The following MSH3 variants were observed in gnomAD, a reference collection of about 807,000 sequenced individuals.
MSH3 encodes the protein mutS homolog 3, also known as DNA mismatch repair protein Msh3.
Under a neutral mutation model 123.3 loss-of-function variants are expected in MSH3, and 106 were observed. That is an observed-to-expected ratio of 0.86 (90% CI 0.73 to 1.01). The LOEUF (loss-of-function observed/expected upper bound fraction) is 1.01. Ranked by LOEUF, MSH3 falls within the 50% of genes least tolerant of loss-of-function variation. MSH3 has a pLI of 0.00. For synonymous variants in MSH3, 515 were observed against 481.4 expected (o/e 1.07, Z -0.91); for missense variants, 1,459 against 1,347.6 (o/e 1.08, Z -1.29).
intron 19 of MSH3, among the ~76,000 whole-genome samples, chr5:80,799,334 CAA>C (rs1232882859): frequency 6.6e-6 from 1 of 152,038 alleles, no homozygotes. Flanking sequence ...GGCTTTGACT[CAA>C]GAGTCTCTTA....
chr5:80,684,275 G>T (rs556633297), intron 8 of MSH3, among the ~76,000 whole-genome samples: 1 of 152,098 alleles, frequency 6.6e-6, no homozygotes, highest in Non-Finnish European at 1.5e-5. Flanking sequence ...GCTTTGGGTA[G>T]TATGGATGTT....
At chr5:80,681,675 AT>A (rs1749971640) in intron 8 of MSH3, among the ~76,000 whole-genome samples, 1 of 143,100 alleles carries the variant, frequency 7.0e-6, no homozygotes, top group African/African-American at 2.5e-5. Flanking sequence ...ATTAATTTAG[AT>A]TGAGTAAAGT....
intron 20 of MSH3, among the ~76,000 whole-genome samples, chr5:80,827,096 C>G (rs780633319): frequency 1.3e-5 from 2 of 152,114 alleles, no homozygotes; most frequent in Non-Finnish European, 2.9e-5. Context: ...AAACTTAAAT[C>G]TCATCTAGCC....
chr5:80,808,858 C>CATAT lies in MSH3; in HGVS notation c.2656-4704_2656-4701dup, dbSNP rs747818551. On this transcript the variant is annotated intron_variant, in intron 19 of 23. Transcript: ENST00000265081. The stretch of plus-strand genomic sequence containing the variant: ...CTTACTTTGGGTAATATATCTTCTT[C>CATAT]ATATATATATATATATATATATATA... Among the ~76,000 whole-genome samples the CATAT allele has an allele frequency of 5.1e-3, 334 of 66,130 alleles. 7 individuals carry two copies. Among genetic ancestry groups the CATAT allele is most frequent in the African/African-American group, 0.012 (224 of 18,860 alleles). 43.4% of individuals were successfully genotyped at this position (66,130 alleles called of 152,430 possible). A position where few individuals can be genotyped will look rare whatever the true frequency, so the allele number is the denominator to read the frequency against.
chr5:80,869,504 A>G (rs1244685503), intron 22 of MSH3, among the ~76,000 whole-genome samples: 1 of 151,982 alleles, frequency 6.6e-6, no homozygotes, highest in Non-Finnish European at 1.5e-5. Context: ...CCTCTCGCAC[A>G]CAGAGGTTAA....
intron 19 of MSH3, among the ~76,000 whole-genome samples, chr5:80,799,722 G>A (rs1423525060): frequency 6.6e-6 from 1 of 151,922 alleles, no homozygotes; most frequent in Non-Finnish European, 1.5e-5. Flanking sequence ...CTGTCATTGA[G>A]CAAGCGTCCC....
chr5:80,750,706 G>C (rs1028536060), intron 12 of MSH3, among the ~76,000 whole-genome samples: 10 of 152,072 alleles, frequency 6.6e-5, no homozygotes, highest in Non-Finnish European at 1.0e-4. Context: ...TGTTTCCTTT[G>C]CTGTGCAGAT....
At position 80,768,020 on chromosome 5, in the gene MSH3, C is replaced by T; in HGVS notation, c.1984C>T (p.His662Tyr). 1 of 1,613,604 alleles carries T rather than the reference C, an allele frequency of 6.2e-7. No homozygotes were observed. Among genetic ancestry groups the T allele is most frequent in the Non-Finnish European group, 8.5e-7 (1 of 1,179,644 alleles). ...FQAIIPAVNS[H>Y]IQSDLLRTVI... is the part of the protein sequence containing the mutation. ...AGCAATAATACCTGCTGTTAATTCC[C>T]ACATTCAGTCAGACTTGCTCCGGAC... The change falls in exon 14 of 24, where the codon CAC (histidine) becomes TAC (tyrosine). Residue 662 changes from histidine (H) to tyrosine (Y), a missense_variant. Coordinates refer to ENST00000265081, the MANE Select transcript of MSH3 (RefSeq NM_002439.5).
At chr5:80,869,817 TATATATAC>T (rs200167024) in intron 22 of MSH3, among the ~76,000 whole-genome samples, 62 of 73,886 alleles carry the variant, frequency 8.4e-4, no homozygotes, top group Non-Finnish European at 1.8e-4. Context: ...TATATACATA[TATATATAC>T]ATATATACAT....
At chr5:80,724,578 A>G (rs941679851) in intron 8 of MSH3, among the ~76,000 whole-genome samples, 1 of 152,222 alleles carries the variant, frequency 6.6e-6, no homozygotes, top group Admixed American at 6.5e-5. Context: ...CATGCATGCT[A>G]TGATTTTGTT....
intron 18 of MSH3, among the ~76,000 whole-genome samples, chr5:80,788,139 A>G (rs150597524): frequency 5.4e-4 from 83 of 152,330 alleles, no homozygotes; most frequent in African/African-American, 1.9e-3. Context: ...AACAAATCTA[A>G]CTTTAAAATT....
chr5:80,706,833 A>AC (rs1373510959), intron 8 of MSH3, among the ~76,000 whole-genome samples: 1 of 152,238 alleles, frequency 6.6e-6, no homozygotes, highest in African/African-American at 2.4e-5. Context: ...TAAATTACAT[A>AC]CGGCAAATAT....
intron 8 of MSH3, among the ~76,000 whole-genome samples, chr5:80,723,113 A>ATAAAT (rs1216530813): frequency 6.6e-6 from 1 of 151,208 alleles, no homozygotes; most frequent in Non-Finnish European, 1.5e-5. Context: ...AAATAAATAA[A>ATAAAT]TAAATAAATA....
intron 20 of MSH3, among the ~76,000 whole-genome samples, chr5:80,851,112 T>C (rs1745823468): frequency 6.6e-6 from 1 of 152,174 alleles, no homozygotes; most frequent in African/African-American, 2.4e-5. Flanking sequence ...ACTCTTTCTC[T>C]TATTATTGGA....
intron 20 of MSH3, among the ~76,000 whole-genome samples, chr5:80,828,278 A>G (rs960354141): frequency 1.6e-4 from 25 of 152,200 alleles, no homozygotes; most frequent in Non-Finnish European, 4.4e-5. Context: ...GACCCACTCT[A>G]GTGAAAGTAA....
At chr5:80,815,342 A>G (rs763253747) in intron 20 of MSH3, among the ~76,000 whole-genome samples, 24 of 152,078 alleles carry the variant, frequency 1.6e-4, no homozygotes, top group South Asian at 2.1e-4. Flanking sequence ...TGGTTACAGT[A>G]TTAAGGAAAG....
intron 20 of MSH3, among the ~76,000 whole-genome samples, chr5:80,844,855 A>G (rs566602269): frequency 5.9e-5 from 9 of 152,086 alleles, no homozygotes; most frequent in South Asian, 2.1e-4. Context: ...TCTTTCTCCA[A>G]TTTGCCAGTC....
At chr5:80,691,864 C>T (rs1320966424) in intron 8 of MSH3, among the ~76,000 whole-genome samples, 2 of 142,384 alleles carry the variant, frequency 1.4e-5, no homozygotes, top group African/African-American at 5.2e-5. Flanking sequence ...TATAGCTAAA[C>T]ATGTATGTTT....
At chr5:80,823,805 A>G (rs1206679578) in intron 20 of MSH3, among the ~76,000 whole-genome samples, 1 of 152,154 alleles carries the variant, frequency 6.6e-6, no homozygotes, top group Non-Finnish European at 1.5e-5. Context: ...AAACAAGTGA[A>G]CAAAGGTCTC....
Sources: gnomAD v4.1 joint callset for allele counts (sites outside exome capture counted in the v4.1 genomes callset) on GRCh38, gnomAD v4.1.1 for gene constraint, MANE v1.5 for transcripts, NCBI Gene and HGNC (gene_info 2026-07-23, HGNC 2026-07-21) for gene names.